PATJ: variants seen among roughly 807,000 people sequenced by gnomAD.
PATJ encodes the protein inaD-like protein.
PATJ carries 190 observed loss-of-function variants against 224.9 expected under a neutral mutation model. The observed-to-expected ratio is 0.84, with a 90% CI of 0.75 to 0.95. PATJ has a LOEUF of 0.95. PATJ is among the 40% of genes least tolerant of loss of function. The pLI, the probability that PATJ is intolerant of heterozygous loss-of-function variation, is 0.00. For missense variants in PATJ, 2,121 were observed against 2,270.3 expected, an observed-to-expected ratio of 0.93 and a Z score of 1.34; for synonymous variants, 769 against 820.3, an observed-to-expected ratio of 0.94 and a Z score of 1.07.
chr1:62,027,990 T>C (rs960186127), intron 29 of PATJ, among the ~76,000 whole-genome samples: 6 of 152,188 alleles, frequency 3.9e-5, no homozygotes, highest in African/African-American at 1.2e-4. Flanking sequence ...TTTATTTTGA[T>C]GTCCAATTTA....
At chr1:61,778,270 C>A (rs1256504898) in intron 7 of PATJ, among the ~76,000 whole-genome samples, 1 of 152,188 alleles carries the variant, frequency 6.6e-6, no homozygotes, top group Non-Finnish European at 1.5e-5. Flanking sequence ...CCTGCTTAGG[C>A]CTTCCAAAGT....
intron 28 of PATJ, chr1:61,991,752 C>G (rs1223925511): frequency 5.1e-6 from 5 of 983,694 alleles, no homozygotes; most frequent in African/African-American, 3.5e-5. Flanking sequence ...TAAATAAAGT[C>G]AAAGATGACC....
chr1:62,053,730 A>AT (rs1411948701), intron 31 of PATJ, among the ~76,000 whole-genome samples: 1 of 149,486 alleles, frequency 6.7e-6, no homozygotes, highest in African/African-American at 2.4e-5. Flanking sequence ...AAAAAAAAAA[A>AT]GTGTCTTGAA....
rs1557727360 is a variant in PATJ at position 61,833,666 on chromosome 1, A to G, written c.1993A>G (p.Met665Val). 1 of 1,612,270 alleles carries G rather than the reference A, an allele frequency of 6.2e-7. No individual in the cohort carries two copies. Among genetic ancestry groups the G allele is most frequent in the Non-Finnish European group, 8.5e-7 (1 of 1,179,172 alleles). The change falls in exon 17 of 44, where the codon ATG (methionine) becomes GTG (valine). Residue 665 changes from methionine (M) to valine (V), a missense_variant. Met to Val is a conservative substitution (Grantham distance 21, BLOSUM62 1). Transcript: ENST00000642238. The part of the protein sequence containing the change: ...SLPETEVDHN[M>V]DVNTEEDDDG... Reference sequence around the variant, plus strand: ...TTTGGTATTTCAGGTTGACCACAATATGGATGTCAATACTGAAGAAGATGA... The same window carrying G: ...TTTGGTATTTCAGGTTGACCACAATGTGGATGTCAATACTGAAGAAGATGA...
chr1:62,135,441 G>A (rs1006315483), intron 41 of PATJ, among the ~76,000 whole-genome samples: 4 of 148,820 alleles, frequency 2.7e-5, no homozygotes, highest in Non-Finnish European at 4.4e-5. Context: ...GCTTGAACTC[G>A]GGAGGCAGAG....
Position 61,927,760 on chromosome 1 carries a change from CT to C in PATJ, c.3603del (p.Pro1202LeufsTer7), listed in dbSNP as rs1557888595. The stretch of plus-strand genomic sequence containing the variant: ...AGGAACTGCTCCACCGCCAATGAAA[CT>C]TCCTCCTCCTTATAAAGCTCTGACT... ...RQGTAPPPMK[L>X]PPPYKALTDD... On this transcript the variant is annotated frameshift_variant, in exon 27 of 44. Transcript: ENST00000642238. LOFTEE classifies it high-confidence loss of function. 1 of 1,613,510 alleles carries C rather than the reference CT, an allele frequency of 6.2e-7. No homozygotes were observed. Among genetic ancestry groups the C allele is most frequent in the Admixed American group, 1.7e-5 (1 of 59,926 alleles).
chr1:61,821,698 G>A (rs1031584328), intron 14 of PATJ, among the ~76,000 whole-genome samples: 1 of 151,986 alleles, frequency 6.6e-6, no homozygotes, highest in African/African-American at 2.4e-5. Flanking sequence ...CCCTGTGTAG[G>A]GTTTTCTCCT....
chr1:62,128,216 C>A, intron 40 of PATJ, 122 bp downstream of exon 40: 1 of 1,026,682 alleles, frequency 9.7e-7, no homozygotes, highest in Non-Finnish European at 1.5e-6. Context: ...AGGCTGAGGG[C>A]AAGATGCATT....
intron 12 of PATJ, among the ~76,000 whole-genome samples, chr1:61,803,487 C>T (rs1557673182): frequency 6.6e-6 from 1 of 152,084 alleles, no homozygotes; most frequent in Non-Finnish European, 1.5e-5. Flanking sequence ...ATGTTATGTT[C>T]CCGTTTTAAA....
intron 43 of PATJ, among the ~76,000 whole-genome samples, chr1:62,155,462 C>G (rs1669088702): frequency 6.6e-6 from 1 of 152,064 alleles, no homozygotes; most frequent in South Asian, 2.1e-4. Flanking sequence ...CTGTGCATTG[C>G]TGGTGAATTT....
intron 28 of PATJ, among the ~76,000 whole-genome samples, chr1:62,003,942 T>C (rs1396575518): frequency 1.3e-5 from 2 of 152,220 alleles, no homozygotes; most frequent in African/African-American, 4.8e-5. Context: ...CTGTGGTTCC[T>C]ACAGAGAGAC....
At position 62,162,856 on chromosome 1, in the gene PATJ, A is replaced by G; in HGVS notation, c.*1802A>G. The G allele has an allele frequency of 3.5e-6, 1 of 287,992 alleles. No homozygotes were observed. The highest frequency in any genetic ancestry group is 2.3e-5 in the African/African-American group (1 of 43,344). 17.8% of individuals were successfully genotyped at this position (287,992 alleles called of 1,614,324 possible). Reference sequence around the variant, plus strand: ...CAGCTACTCCGGAGGTTGAAGCAGGAAAATTGCTTGAACCTGGGAGGTGGA... The same window carrying G: ...CAGCTACTCCGGAGGTTGAAGCAGGGAAATTGCTTGAACCTGGGAGGTGGA... On this transcript the variant is annotated 3_prime_UTR_variant, in exon 44 of 44. Coordinates refer to ENST00000642238, the MANE Select transcript of PATJ (RefSeq NM_001350145.3).
chr1:61,844,767 A>G (rs1188649151), intron 17 of PATJ, among the ~76,000 whole-genome samples: 1 of 152,070 alleles, frequency 6.6e-6, no homozygotes, highest in South Asian at 2.1e-4. Flanking sequence ...GGTTTCCCCC[A>G]TGCTGTTCTT....
intron 1 of PATJ, among the ~76,000 whole-genome samples, chr1:61,759,872 A>G (rs908423958): frequency 1.3e-5 from 2 of 152,224 alleles, no homozygotes; most frequent in African/African-American, 4.8e-5. Context: ...GTCAGTATAC[A>G]TTGTGTAAAT....
chr1:61,806,618 CA>C (rs112615750), intron 13 of PATJ, among the ~76,000 whole-genome samples: 1,609 of 75,018 alleles, frequency 0.021, 23 homozygotes, highest in African/African-American at 0.058. Context: ...GATTCCGCCT[CA>C]AAAAAAAAAA....
chr1:62,059,159 A>G (rs776763483), intron 31 of PATJ, among the ~76,000 whole-genome samples: 1 of 152,178 alleles, frequency 6.6e-6, no homozygotes, highest in Non-Finnish European at 1.5e-5. Context: ...ACATGCAGAT[A>G]TAGTAGCAGG....
chr1:61,913,931 T>C (rs1343775582), intron 25 of PATJ, among the ~76,000 whole-genome samples: 1 of 152,266 alleles, frequency 6.6e-6, no homozygotes, highest in Non-Finnish European at 1.5e-5. Context: ...CTACAGTCAG[T>C]ATGTGAACTT....
chr1:61,803,460 C>T (rs1323784435), intron 12 of PATJ, among the ~76,000 whole-genome samples: 1 of 152,114 alleles, frequency 6.6e-6, no homozygotes, highest in Non-Finnish European at 1.5e-5. Context: ...ATCAATATAA[C>T]GGTCTTGGCA....
intron 41 of PATJ, among the ~76,000 whole-genome samples, chr1:62,136,104 T>G (rs1015586829): frequency 2.2e-5 from 3 of 137,724 alleles, no homozygotes; most frequent in African/African-American, 8.0e-5. Context: ...CTCAGCTCAC[T>G]GCAACCTCTG....
Sources: gnomAD v4.1 joint callset for allele counts (sites outside exome capture counted in the v4.1 genomes callset) on GRCh38, gnomAD v4.1.1 for gene constraint, MANE v1.5 for transcripts, NCBI Gene and HGNC (gene_info 2026-07-23, HGNC 2026-07-21) for gene names.